Variants in JAKMIP3 observed in about 807,000 individuals in gnomAD.
JAKMIP3 encodes the protein Janus kinase and microtubule interacting protein 3.
A neutral mutation model predicts 118.5 loss-of-function variants in JAKMIP3; 58 were observed. The observed-to-expected ratio is 0.49, with a 90% confidence interval of 0.40 to 0.61. The LOEUF is 0.61. Among genes scored for constraint, JAKMIP3 ranks in the 20% least tolerant of loss-of-function variants. JAKMIP3 has a pLI of 0.00. For missense variants in JAKMIP3, 950 were observed against 1,109.0 expected, an observed-to-expected ratio of 0.86 and a Z score of 2.04; for synonymous variants, 486 against 451.2, an observed-to-expected ratio of 1.08 and a Z score of -0.98.
rs2042005292 is a variant in JAKMIP3 at position 132,083,295 on chromosome 10, G to C, written c.-138+17234G>C. ...TTTCCCTGATCATTAGTGATGTTGA[G>C]CATTTTTCATATGTTTGTTGGCCAT... On this transcript the variant is annotated intron_variant, in intron 1 of 23. Transcript: ENST00000684848. Among the ~76,000 whole-genome samples the C allele has an allele frequency of 1.3e-5, 2 of 152,102 alleles. 1 individual carries two copies. The highest frequency in any genetic ancestry group is 4.1e-4 in the South Asian group (2 of 4,828).
chr10:132,180,682 C>T (rs28396544), intron 23 of JAKMIP3, among the ~76,000 whole-genome samples: 506 of 5,462 alleles, frequency 0.093, 56 homozygotes, highest in East Asian at 0.27. Context: ...TGTGCGCGCG[C>T]GTGTGTGTGC....
chr10:132,112,685 G>A lies in JAKMIP3; in HGVS notation c.136-4392G>A, dbSNP rs953466688. ...ACCTGAATGTTCTGAGCCTATAGGA[G>A]TGGGGAAATAGTTCCCATGAAGGGT... On this transcript the variant is annotated intron_variant, in intron 2 of 23. Coordinates refer to ENST00000684848, the MANE Select transcript of JAKMIP3 (RefSeq NM_001323087.2). This position sits in a 1 kb window ranked among gnomAD's most constrained non-coding sequence, Gnocchi z 4.3. Among the ~76,000 whole-genome samples the A allele has an allele frequency of 1.3e-5, 2 of 152,184 alleles. No individual in the cohort carries two copies. The highest frequency in any genetic ancestry group is 4.8e-5 in the African/African-American group (2 of 41,434).
At chr10:132,130,197 T>A (rs1186629991) in intron 3 of JAKMIP3, among the ~76,000 whole-genome samples, 2 of 152,184 alleles carry the variant, frequency 1.3e-5, no homozygotes, top group Non-Finnish European at 1.5e-5. Context: ...AGGTCTCTGC[T>A]TTCTCACAGG....
rs1554963486 is a variant in JAKMIP3 at position 132,180,772 on chromosome 10, T to TGTGTGTGCTTGC, written c.*1104-1578_*1104-1577insCTTGCGTGTGTG. 3.1e-5 allele frequency among the ~76,000 whole-genome samples: 2 copies of TGTGTGTGCTTGC among 63,678 alleles called. 1 individual carries two copies. The highest frequency in any genetic ancestry group is 1.6e-4 in the African/African-American group (2 of 12,152). The allele number at this position is 63,678 out of a possible 152,430, so 41.8% of individuals were successfully genotyped here. A position where few individuals can be genotyped will look rare whatever the true frequency, so the allele number is the denominator to read the frequency against. ...GCGCGCGTGTGTGCGTGTGTGTGCG[T>TGTGTGTGCTTGC]GTGTGTGTGTGCGCGTATGCATGTG... On this transcript the variant is annotated intron_variant, in intron 23 of 23. Coordinates refer to ENST00000684848, the MANE Select transcript of JAKMIP3 (RefSeq NM_001323087.2).
rs974892013 is a variant in JAKMIP3 at position 132,116,982 on chromosome 10, T to C, written c.136-95T>C. 8 of 1,386,080 alleles carry C rather than the reference T, an allele frequency of 5.8e-6. No individual in the cohort carries two copies. The African/African-American group carries it at 1.2e-4, about 20-fold the overall frequency. The allele number at this position is 1,386,080 out of a possible 1,614,324, so 85.9% of individuals were successfully genotyped here. On this transcript the variant is annotated intron_variant, in intron 2 of 23. Transcript: ENST00000684848. ...TTGAATACACATTCAGGTGTGAGTG[T>C]GTGCAACGTGGAAGCTCCCCCAAAT...
chr10:132,130,344 C>G (rs2050332797), intron 3 of JAKMIP3, among the ~76,000 whole-genome samples: 1 of 152,250 alleles, frequency 6.6e-6, no homozygotes. Context: ...AAAACAAGCC[C>G]CAGCTAGGAC....
intron 16 of JAKMIP3, among the ~76,000 whole-genome samples, chr10:132,150,787 AATTC>A (rs1425779481): frequency 6.8e-6 from 1 of 147,146 alleles, no homozygotes; most frequent in Non-Finnish European, 1.5e-5. Flanking sequence ...CGTCCTCCAC[AATTC>A]ATTTATCCAT....
intron 3 of JAKMIP3, among the ~76,000 whole-genome samples, chr10:132,120,643 AG>A (rs1447883436): frequency 6.6e-6 from 1 of 152,204 alleles, no homozygotes; most frequent in East Asian, 1.9e-4. Flanking sequence ...AGGTGCCCTG[AG>A]GGTGTCAGCT....
intron 1 of JAKMIP3, among the ~76,000 whole-genome samples, chr10:132,076,037 T>C (rs9419346): frequency 0.77 from 117,421 of 152,112 alleles, 46,654 homozygotes; most frequent in East Asian, 1. Context: ...CCACACAGTT[T>C]GTCCACTCAA....
intron 1 of JAKMIP3, among the ~76,000 whole-genome samples, chr10:132,039,418 G>C (rs1221266302): frequency 7.5e-6 from 1 of 133,676 alleles, no homozygotes; most frequent in Non-Finnish European, 1.5e-5. Context: ...CAACCCCCAA[G>C]CAGAACAGTC....
At chr10:132,148,781 A>C (rs113428529) in intron 14 of JAKMIP3, among the ~76,000 whole-genome samples, 15,145 of 152,278 alleles carry the variant, frequency 0.099, 976 homozygotes, top group East Asian at 0.2. Context: ...GTTTCACGGC[A>C]AGGGTGGTCC....
rs964631154 is a variant in JAKMIP3 at position 132,168,486 on chromosome 10, C to T, written c.*556C>T. ...GGAGGGCTCCCCGACGCCTCAGGGG[C>T]CCCTCCGATGCTGCAATATGTTGCT... is the stretch of plus-strand genomic sequence containing the variant. On this transcript the variant is annotated 3_prime_UTR_variant, in exon 23 of 24. Coordinates refer to ENST00000684848, the MANE Select transcript of JAKMIP3 (RefSeq NM_001323087.2). The T allele has an allele frequency of 5.2e-6, 5 of 955,626 alleles. No homozygotes were observed. In the Middle Eastern group the frequency reaches 1.0e-3, roughly 192 times the overall value. The allele number at this position is 955,626 out of a possible 1,614,324, so 59.2% of individuals were successfully genotyped here.
chr10:132,155,875 T>C (rs1215037721), intron 19 of JAKMIP3, among the ~76,000 whole-genome samples: 3 of 152,146 alleles, frequency 2.0e-5, no homozygotes, highest in Non-Finnish European at 4.4e-5. Context: ...CCAGTGGTGG[T>C]GAGACCTGAG....
At chr10:132,140,363 C>A in intron 9 of JAKMIP3, 88 bp from the exon 10 acceptor site, 1 of 1,574,404 alleles carries the variant, frequency 6.4e-7, no homozygotes. Flanking sequence ...GCTGCGGCCC[C>A]CACCGTTGGG....
rs1479270229 is a variant in JAKMIP3 at position 132,117,233 on chromosome 10, C to T, written c.292C>T (p.His98Tyr). The part of the protein sequence containing the change: ...QAVRETLLRQ[H>Y]EAELLRVIKI... ...TGTGCGTGAGACGCTGCTGCGGCAGCATGAGGCTGAGCTGCTCAGGGTCAT... is the reference window on the plus strand; with the variant it reads ...TGTGCGTGAGACGCTGCTGCGGCAGTATGAGGCTGAGCTGCTCAGGGTCAT... Residue 98 changes from histidine to tyrosine, a missense_variant, in exon 3 of 24, where the codon CAT becomes TAT. By Grantham distance (83) the His-to-Tyr change is moderately conservative (BLOSUM62 2). Coordinates refer to ENST00000684848, the MANE Select transcript of JAKMIP3 (RefSeq NM_001323087.2). The surrounding 1 kb of genome is among the most constrained non-coding windows in gnomAD (Gnocchi z 8.6). The T allele has an allele frequency of 6.2e-7, 1 of 1,613,814 alleles. No homozygotes were observed. Among genetic ancestry groups the T allele is most frequent in the African/African-American group, 1.3e-5 (1 of 74,936 alleles).
rs1330471949 is a variant in JAKMIP3, at chr10:132,104,820, G to C, written c.12G>C (p.Arg4Ser). The change falls in exon 2 of 24, where the codon AGG becomes AGC. Residue 4 changes from arginine (R) to serine (S), a missense_variant. By Grantham distance (110) the Arg-to-Ser change is moderately radical. Transcript: ENST00000684848. MSKRGMSSRAKGDK... is the reference protein window; with the variant it reads MSKSGMSSRAKGDK... The stretch of plus-strand genomic sequence containing the variant: ...CATCCAGCCTCACCATGTCCAAGAG[G>C]GGCATGAGCAGCCGGGCCAAGGGGG... 5 of 1,552,050 alleles carry C rather than the reference G, an allele frequency of 3.2e-6. No homozygotes were observed.
intron 17 of JAKMIP3, 109 bp downstream of exon 17, chr10:132,153,132 TG>T (rs1361671909): frequency 7.0e-6 from 6 of 861,464 alleles, no homozygotes; most frequent in African/African-American, 3.4e-5. Flanking sequence ...GGGCCGGGTT[TG>T]GGGGGTCCAC....
At position 132,168,903 on chromosome 10, in the gene JAKMIP3, C is replaced by A. The variant is rs1590023092; in HGVS notation, c.*973C>A. On this transcript the variant is annotated 3_prime_UTR_variant, in exon 23 of 24. Coordinates refer to ENST00000684848, the MANE Select transcript of JAKMIP3 (RefSeq NM_001323087.2). Reference sequence around the variant, plus strand: ...GACCCCGGCGGGCACCGAAGCCTCACCCCAAGCCTTTGCACACAAGGAGCA... The same window carrying A: ...GACCCCGGCGGGCACCGAAGCCTCAACCCAAGCCTTTGCACACAAGGAGCA... 5.9e-6 allele frequency: 1 copy of A among 170,672 alleles called. No individual in the cohort carries two copies. The highest frequency in any genetic ancestry group is 1.4e-4 in the South Asian group (1 of 7,272). 10.6% of individuals were successfully genotyped at this position (170,672 alleles called of 1,614,324 possible).
chr10:132,048,803 ATT>A (rs57114898), intron 1 of JAKMIP3, among the ~76,000 whole-genome samples: 1 of 150,706 alleles, frequency 6.6e-6, no homozygotes, highest in Non-Finnish European at 1.5e-5. Flanking sequence ...CCCCCGACTA[ATT>A]TTTTTTTGTA....
Sources: gnomAD v4.1 joint callset for allele counts (sites outside exome capture counted in the v4.1 genomes callset) on GRCh38, gnomAD v4.1.1 for gene constraint, Gnocchi (gnomAD v3.1) non-coding constraint, MANE v1.5 for transcripts, NCBI Gene and HGNC (gene_info 2026-07-23, HGNC 2026-07-21) for gene names.